EPS8L3: variants seen among roughly 807,000 people sequenced by gnomAD.
EPS8L3 encodes EPS8 signaling adaptor L3, also known as epidermal growth factor receptor kinase substrate 8-like protein 3.
In EPS8L3, 80 loss-of-function variants were observed where a neutral mutation model predicts 88.5. The observed-to-expected ratio is 0.90, with a 90% confidence interval of 0.75 to 1.09. The LOEUF (loss-of-function observed/expected upper bound fraction) is 1.09, where lower values mean the gene tolerates loss of function less well. Ranked by LOEUF, EPS8L3 falls within the 50% of genes least tolerant of loss-of-function variation. The pLI is 0.00. For synonymous variants in EPS8L3, 286 were observed against 291.0 expected (o/e 0.98, Z 0.18); for missense variants, 721 against 735.2 (o/e 0.98, Z 0.22).
In EPS8L3 at chr1:109,762,201, G is replaced by A. The variant is rs116841280; in HGVS notation, c.-24-428C>T. Among the ~76,000 whole-genome samples, 25 of 152,306 alleles carry A rather than the reference G, an allele frequency of 1.6e-4. No homozygotes were observed. In the East Asian group the frequency reaches 3.9e-3, roughly 24 times the overall value. Reference sequence around the variant, plus strand: ...CCCGCCAGAGGAGGCCCTCTTGTTCGACCCTGTTTCAGTTCTGCAAACTGA... The same window carrying A: ...CCCGCCAGAGGAGGCCCTCTTGTTCAACCCTGTTTCAGTTCTGCAAACTGA... On this transcript the variant is annotated intron_variant, in intron 1 of 18. Transcript: ENST00000361965.
Position 109,756,462 on chromosome 1 carries a change from T to A in EPS8L3, c.1118+555A>T, listed in dbSNP as rs566484202. On this transcript the variant is annotated intron_variant, in intron 12 of 18. Coordinates refer to ENST00000361965, the MANE Select transcript of EPS8L3 (RefSeq NM_133181.4). The stretch of plus-strand genomic sequence containing the variant: ...CATGTTGGCCAGGATGGTCTCGAAC[T>A]CCTGACCTCAGGTGATCCGCCCACC... Among the ~76,000 whole-genome samples, 8 of 152,332 alleles carry A rather than the reference T, an allele frequency of 5.3e-5. No homozygotes were observed. In the East Asian group the frequency reaches 1.5e-3, roughly 29 times the overall value.
chr1:109,750,992 C>T (rs969725511), intron 17 of EPS8L3, among the ~76,000 whole-genome samples, 200 bp from the exon 18 acceptor site: 1 of 152,214 alleles, frequency 6.6e-6, no homozygotes, highest in African/African-American at 2.4e-5. Context: ...AAGAAGTGCT[C>T]TGGGAGAGAA....
chr1:109,758,284 G>T (rs1378274865), intron 8 of EPS8L3, 32 bp downstream of exon 8: 4 of 1,581,428 alleles, frequency 2.5e-6, no homozygotes, highest in Non-Finnish European at 3.5e-6. Context: ...GGCCCAGAAA[G>T]CCTCAGCAAA....
chr1:109,758,091 G>A lies in EPS8L3; in HGVS notation c.718-33C>T. Reference sequence around the variant, plus strand: ...CCAAACAACCCATGGCCTTGAACGGGCAGTTGGGCCCACCCTGGAACTCCC... The same window carrying A: ...CCAAACAACCCATGGCCTTGAACGGACAGTTGGGCCCACCCTGGAACTCCC... On this transcript the variant is annotated intron_variant, in intron 8 of 18. Transcript: ENST00000361965. 4 of 1,590,654 alleles carry A rather than the reference G, an allele frequency of 2.5e-6. 1 individual carries two copies. In the South Asian group the frequency reaches 4.4e-5, roughly 18 times the overall value.
In EPS8L3 at chr1:109,758,321, C is replaced by G. The variant is rs1375198719; in HGVS notation, c.712G>C (p.Asp238His). ...RSSSPEDPER[D>H]EEVLNHVLRD... ...TCAAGACCATCCGCAGTTACCTCGTCCCTCTCTGGGTCCTCGGGGGAAGAG... is the reference window on the plus strand; with the variant it reads ...TCAAGACCATCCGCAGTTACCTCGTGCCTCTCTGGGTCCTCGGGGGAAGAG... Residue 238 changes from aspartate (D) to histidine (H), a missense_variant, in exon 8 of 19, where the codon GAC (aspartate) becomes CAC (histidine). Transcript: ENST00000361965. 6.2e-7 allele frequency: 1 copy of G among 1,613,346 alleles called. No homozygotes were observed. Among genetic ancestry groups the G allele is most frequent in the Non-Finnish European group, 8.5e-7 (1 of 1,179,626 alleles).
chr1:109,750,333 T>C lies in EPS8L3; in HGVS notation c.*58A>G. The C allele has an allele frequency of 6.2e-7, 1 of 1,607,300 alleles. No homozygotes were observed. The highest frequency in any genetic ancestry group is 1.7e-5 in the Admixed American group (1 of 59,672). Reference sequence around the variant, plus strand: ...GGAATTCTCGGGGCTCTAATGGGTATCAGATCTGCCATCTTGCATCAGCGG... The same window carrying C: ...GGAATTCTCGGGGCTCTAATGGGTACCAGATCTGCCATCTTGCATCAGCGG... On this transcript the variant is annotated 3_prime_UTR_variant, in exon 19 of 19. Transcript: ENST00000361965.
intron 6 of EPS8L3, 121 bp from the exon 7 acceptor site, chr1:109,758,784 C>A: frequency 1.6e-6 from 2 of 1,278,912 alleles, no homozygotes; most frequent in Non-Finnish European, 2.1e-6. Flanking sequence ...CCACCCCCTG[C>A]TCCCTGGTCT....
rs748073955 is a variant in EPS8L3 at position 109,759,710 on chromosome 1, C to T, written c.223G>A (p.Gly75Ser). ...TCAATGTCCAGCAGCTGCAGCCAGC[C>T]GTCCCTGACCTGCAGGATCAAGTCT... is the stretch of plus-strand genomic sequence containing the variant. ...SQDLILQVRDGWLQLLDIETK... is the reference protein window; with the variant it reads ...SQDLILQVRDSWLQLLDIETK... Residue 75 changes from glycine to serine, a missense_variant, in exon 4 of 19, where the codon GGC becomes AGC. Coordinates refer to ENST00000361965, the MANE Select transcript of EPS8L3 (RefSeq NM_133181.4). This position sits in a 1 kb window ranked among gnomAD's most constrained non-coding sequence, Gnocchi z 4.2. 20 of 1,613,824 alleles carry T rather than the reference C, an allele frequency of 1.2e-5. No homozygotes were observed. The highest frequency in any genetic ancestry group is 5.5e-5 in the South Asian group (5 of 91,082).
chr1:109,756,964 G>T lies in EPS8L3; in HGVS notation c.1118+53C>A. ...CCTGGCCACCTCTGATGTCCTGCCT[G>T]ATGCCTCCATGCCCCTCACCCCCGA... On this transcript the variant is annotated intron_variant, in intron 12 of 18. Coordinates refer to ENST00000361965, the MANE Select transcript of EPS8L3 (RefSeq NM_133181.4). 2.5e-6 allele frequency: 4 copies of T among 1,611,688 alleles called. No individual in the cohort carries two copies. The African/African-American group carries it at 5.3e-5, about 21-fold the overall frequency.
Position 109,758,026 on chromosome 1 carries a change from C to T in EPS8L3, c.750G>A (p.Glu250=), listed in dbSNP as rs756161043. 2.5e-6 allele frequency: 4 copies of T among 1,614,086 alleles called. No homozygotes were observed. The highest frequency in any genetic ancestry group is 2.7e-5 in the African/African-American group (2 of 74,930). ...CCTTCTCCAGCTTTCCCATGAACAG[C>T]TCAATGTCCCTTAGGACATGGTTCA... ...EVLNHVLRDI[E]LFMGKLEKAQ... Residue 250 remains glutamate (E), a synonymous_variant, in exon 9 of 19, where the codon GAG becomes GAA. Coordinates refer to ENST00000361965, the MANE Select transcript of EPS8L3 (RefSeq NM_133181.4).
intron 18 of EPS8L3, 82 bp downstream of exon 18, chr1:109,750,578 C>G: frequency 3.1e-6 from 5 of 1,601,732 alleles, no homozygotes; most frequent in Non-Finnish European, 4.3e-6. Flanking sequence ...GCTGGGCCTG[C>G]AGGCTTTTCC....
rs747980315 is a variant in EPS8L3 at position 109,758,046 on chromosome 1, G to T, written c.730C>A (p.His244Asn). Reference sequence around the variant, plus strand: ...AACAGCTCAATGTCCCTTAGGACATGGTTCAGCACTTCCTGGGCCCCAAAC... The same window carrying T: ...AACAGCTCAATGTCCCTTAGGACATTGTTCAGCACTTCCTGGGCCCCAAAC... ...DPERDEEVLN[H>N]VLRDIELFMG... is the part of the protein sequence containing the mutation. The change falls in exon 9 of 19, where the codon CAT (histidine) becomes AAT (asparagine). Residue 244 changes from histidine to asparagine, a missense_variant. Physicochemically the swap from His to Asn is moderately conservative, Grantham distance 68 (BLOSUM62 1). Coordinates refer to ENST00000361965, the MANE Select transcript of EPS8L3 (RefSeq NM_133181.4). 4 of 1,613,794 alleles carry T rather than the reference G, an allele frequency of 2.5e-6. No homozygotes were observed. The highest frequency in any genetic ancestry group is 2.2e-5 in the East Asian group (1 of 44,876).
chr1:109,757,874 G>A lies in EPS8L3; in HGVS notation c.833-11C>T. On this transcript the variant is annotated splice_polypyrimidine_tract_variant and intron_variant, in intron 9 of 18. Transcript: ENST00000361965. The stretch of plus-strand genomic sequence containing the variant: ...GTGCCTGGGTGAGACCTGGGAGAAG[G>A]GGCCAAGACGGTGGGCCAGAGATCA... The A allele has an allele frequency of 1.2e-6, 2 of 1,614,056 alleles. No homozygotes were observed. The highest frequency in any genetic ancestry group is 1.7e-6 in the Non-Finnish European group (2 of 1,179,956).
intron 14 of EPS8L3, chr1:109,752,422 T>A (rs1421670435): frequency 1.7e-6 from 1 of 605,840 alleles, no homozygotes; most frequent in Non-Finnish European, 2.9e-6. Flanking sequence ...TTTCTACATC[T>A]GAGTTCTGCC....
chr1:109,754,464 T>C (rs1234605038), intron 12 of EPS8L3, among the ~76,000 whole-genome samples: 6 of 152,244 alleles, frequency 3.9e-5, no homozygotes, highest in Non-Finnish European at 4.4e-5. Context: ...TTTCTGTCTT[T>C]CATTTATTTC....
At chr1:109,763,246 G>T (rs1484236407) in intron 1 of EPS8L3, among the ~76,000 whole-genome samples, 1 of 152,176 alleles carries the variant, frequency 6.6e-6, no homozygotes, top group Non-Finnish European at 1.5e-5. Flanking sequence ...CTCTCCAGGG[G>T]TAAGGCGGGG....
Position 109,759,144 on chromosome 1 carries a change from AGTGTGTGTGTGTGTGTGTGT to A in EPS8L3, c.406-47_406-28del, listed in dbSNP as rs3220009. Reference sequence around the variant, plus strand: ...TGGGAAGCAGCAGTCAGGCAGGCTAAGTGTGTGTGTGTGTGTGTGTGTGTGTGTGTGTGTGTGTGGTGGGG... The same window carrying A: ...TGGGAAGCAGCAGTCAGGCAGGCTAAGTGTGTGTGTGTGTGTGTGGTGGGG... On this transcript the variant is annotated intron_variant, in intron 5 of 18. Coordinates refer to ENST00000361965, the MANE Select transcript of EPS8L3 (RefSeq NM_133181.4). The surrounding 1 kb of genome is among the most constrained non-coding windows in gnomAD (Gnocchi z 4.2). 2.0e-5 allele frequency: 30 copies of A among 1,492,530 alleles called. No homozygotes were observed. Among genetic ancestry groups the A allele is most frequent in the Admixed American group, 3.5e-5 (2 of 57,828 alleles). 92.5% of individuals were successfully genotyped at this position (1,492,530 alleles called of 1,614,324 possible).
In EPS8L3 at chr1:109,750,611, G is replaced by GGGT. The variant is rs774951165; in HGVS notation, c.1770+48_1770+49insACC. 3 of 1,611,968 alleles carry GGGT rather than the reference G, an allele frequency of 1.9e-6. No individual in the cohort carries two copies. The East Asian group carries it at 6.7e-5, about 36-fold the overall frequency. On this transcript the variant is annotated intron_variant, in intron 18 of 18. Coordinates refer to ENST00000361965, the MANE Select transcript of EPS8L3 (RefSeq NM_133181.4). ...TCCAACTGGCCCTCTCTCTCACCCA[G>GGGT]GAGCACCAGACACTCCCAATGGTTG...
In EPS8L3 at chr1:109,759,133, C is replaced by T. The variant is rs1299455447; in HGVS notation, c.406-16G>A. 1.9e-6 allele frequency: 3 copies of T among 1,606,204 alleles called. No homozygotes were observed. In the African/African-American group the frequency reaches 4.2e-5, roughly 22 times the overall value. ...GTCGCTCTGCCTGGGAAGCAGCAGTCAGGCAGGCTAAGTGTGTGTGTGTGT... is the reference window on the plus strand; with the variant it reads ...GTCGCTCTGCCTGGGAAGCAGCAGTTAGGCAGGCTAAGTGTGTGTGTGTGT... On this transcript the variant is annotated splice_polypyrimidine_tract_variant and intron_variant, in intron 5 of 18. Transcript: ENST00000361965. This position sits in a 1 kb window ranked among gnomAD's most constrained non-coding sequence, Gnocchi z 4.2.
Sources: allele counts gnomAD v4.1 joint callset (sites outside exome capture counted in the v4.1 genomes callset), GRCh38; gene constraint gnomAD v4.1.1; non-coding constraint Gnocchi (gnomAD v3.1); transcripts MANE v1.5; gene names NCBI Gene and HGNC (gene_info 2026-07-23, HGNC 2026-07-21).